HIVEP1: variants seen among roughly 807,000 people sequenced by gnomAD.
The protein encoded by HIVEP1 is zinc finger protein 40.
In HIVEP1, 36 loss-of-function variants were observed where a neutral mutation model predicts 180.0. The observed-to-expected ratio is 0.20, with a 90% CI of 0.15 to 0.26. HIVEP1 has a LOEUF of 0.26. Ranked by LOEUF, HIVEP1 falls within the 10% of genes least tolerant of loss-of-function variation. The pLI, the probability that HIVEP1 is intolerant of heterozygous loss-of-function variation, is 1.00. For missense variants in HIVEP1, 3,143 were observed against 3,268.7 expected (o/e 0.96, Z 0.94); for synonymous variants, 1,239 against 1,239.0 (o/e 1.00, Z 0.00).
intron 2 of HIVEP1, among the ~76,000 whole-genome samples, chr6:12,070,787 A>G (rs894457729): frequency 6.6e-6 from 1 of 152,104 alleles, no homozygotes; most frequent in Admixed American, 6.6e-5. Context: ...GCTCCACTCA[A>G]CCGCCTCCAT....
intron 6 of HIVEP1, among the ~76,000 whole-genome samples, chr6:12,131,619 A>G (rs972311249): frequency 5.3e-5 from 8 of 151,804 alleles, no homozygotes; most frequent in Non-Finnish European, 1.0e-4. Flanking sequence ...CTTGATACAT[A>G]TAATAGGTAT....
rs563217797 is a variant in HIVEP1, at chr6:12,161,378, A to T, written c.6488-61A>T. On this transcript the variant is annotated intron_variant, in intron 7 of 8. Transcript: ENST00000379388. ...GTTGCCAAACGTATAAAAAATTTTT[A>T]AAATAGCACTTGTGCACTTGGAAAG... The T allele has an allele frequency of 3.6e-5, 54 of 1,509,340 alleles. No homozygotes were observed. The East Asian group carries it at 6.3e-4, about 18-fold the overall frequency. The allele number at this position is 1,509,340 out of a possible 1,614,324, so 93.5% of individuals were successfully genotyped here. A position where few individuals can be genotyped will look rare whatever the true frequency, so the allele number is the denominator to read the frequency against.
the HIVEP1 span, among the ~76,000 whole-genome samples, chr6:12,186,199 T>C: frequency 1.3e-5 from 2 of 151,792 alleles, no homozygotes; most frequent in African/African-American, 4.8e-5. Flanking sequence ...AATGAAATTG[T>C]ATATTCAGCA....
At chr6:12,144,932 C>G (rs1341157150) in intron 7 of HIVEP1, among the ~76,000 whole-genome samples, 1 of 152,164 alleles carries the variant, frequency 6.6e-6, no homozygotes, top group Non-Finnish European at 1.5e-5. Context: ...GGAGTGTAAA[C>G]TAGTTCAACC....
At chr6:12,167,581 C>T (rs373402475), downstream of HIVEP1, among the ~76,000 whole-genome samples, 30 of 64,914 alleles carry the variant, frequency 4.6e-4, 13 homozygotes, top group African/African-American at 8.2e-4. Flanking sequence ...GTTATATATA[C>T]GTTATATTAC....
intron 6 of HIVEP1, among the ~76,000 whole-genome samples, chr6:12,135,079 A>T (rs190685168): frequency 6.6e-6 from 1 of 152,348 alleles, no homozygotes; most frequent in East Asian, 1.9e-4. Context: ...GAGGCCAGAT[A>T]TATGCCTACA....
At position 12,125,691 on chromosome 6, in the gene HIVEP1, A is replaced by G; in HGVS notation, c.5896A>G (p.Thr1966Ala). 2 of 1,614,202 alleles carry G rather than the reference A, an allele frequency of 1.2e-6. No homozygotes were observed. Among genetic ancestry groups the G allele is most frequent in the East Asian group, 2.2e-5 (1 of 44,882 alleles). The change falls in exon 4 of 9, where the codon ACT becomes GCT. Residue 1966 changes from threonine (T) to alanine (A), a missense_variant. Physicochemically the swap from Thr to Ala is moderately conservative, Grantham distance 58. Transcript: ENST00000379388. ...GAAGGACCAGAAAACTTCAGCCTAT[A>G]CTGATTGGACAGTAAGCGCCAGTAA... The part of the protein sequence containing the change: ...PQKDQKTSAY[T>A]DWTVSASNPN...
At position 12,130,797 on chromosome 6, in the gene HIVEP1, C is replaced by A; in HGVS notation, c.6240C>A (p.Val2080=). The change falls in exon 6 of 9, where the codon GTC becomes GTA. Residue 2080 remains valine, a synonymous_variant. Transcript: ENST00000379388. ...GYKSNEEYVY[V]RGRGRGKYIC... is the part of the protein sequence containing the mutation. ...AGTCAAATGAAGAGTATGTATATGT[C>A]CGAGGCAGGGGAAGAGGAAAATACA... The A allele has an allele frequency of 6.2e-7, 1 of 1,607,646 alleles. No homozygotes were observed. Among genetic ancestry groups the A allele is most frequent in the Non-Finnish European group, 8.5e-7 (1 of 1,174,660 alleles).
At chr6:12,051,508 T>C (rs1046597892) in intron 2 of HIVEP1, among the ~76,000 whole-genome samples, 1 of 152,124 alleles carries the variant, frequency 6.6e-6, no homozygotes, top group African/African-American at 2.4e-5. Flanking sequence ...TATCTTTCCA[T>C]TTTTGCCTTT....
At chr6:12,137,657 C>G (rs1758776034) in intron 7 of HIVEP1, among the ~76,000 whole-genome samples, 1 of 151,166 alleles carries the variant, frequency 6.6e-6, no homozygotes, top group Admixed American at 6.6e-5. Flanking sequence ...AAGTAGAACA[C>G]AGAGGTGGAG....
intron 7 of HIVEP1, among the ~76,000 whole-genome samples, chr6:12,141,690 G>GGAAAAAA (rs1759040723): frequency 3.2e-4 from 1 of 3,158 alleles, no homozygotes; most frequent in South Asian, 0.012. Flanking sequence ...CAAATGGAAA[G>GGAAAAAA]CAAAAAAAAA....
chr6:12,091,881 G>A (rs1316179216), intron 3 of HIVEP1, among the ~76,000 whole-genome samples: 3 of 152,072 alleles, frequency 2.0e-5, no homozygotes, highest in African/African-American at 7.2e-5. Flanking sequence ...TGTTGAGTGG[G>A]ATTTAAATGA....
chr6:12,195,359 G>A, the HIVEP1 span, among the ~76,000 whole-genome samples: 1 of 152,292 alleles, frequency 6.6e-6, no homozygotes, highest in Non-Finnish European at 1.5e-5. Context: ...AGAGTGGCCA[G>A]ATTAAAACAG....
At chr6:12,094,053 A>G (rs892973488) in intron 3 of HIVEP1, among the ~76,000 whole-genome samples, 3 of 151,988 alleles carry the variant, frequency 2.0e-5, no homozygotes, top group African/African-American at 7.2e-5. Flanking sequence ...TTAGTGTCTT[A>G]TCATTTTCCT....
chr6:12,108,906 G>T (rs746130068), intron 3 of HIVEP1, among the ~76,000 whole-genome samples: 5 of 152,248 alleles, frequency 3.3e-5, no homozygotes, highest in Non-Finnish European at 5.9e-5. Flanking sequence ...AGGAGGCGCC[G>T]AGAGGGAGCG....
At position 12,089,171 on chromosome 6, in the gene HIVEP1, CT is replaced by C. The variant is rs758872462; in HGVS notation, c.41-12del. 6 of 1,437,456 alleles carry C rather than the reference CT, an allele frequency of 4.2e-6. 1 individual carries two copies. The South Asian group carries it at 7.1e-5, about 17-fold the overall frequency. 89.0% of individuals were successfully genotyped at this position (1,437,456 alleles called of 1,614,324 possible). On this transcript the variant is annotated splice_polypyrimidine_tract_variant and intron_variant, in intron 2 of 8. Transcript: ENST00000379388. The stretch of plus-strand genomic sequence containing the variant: ...GGTAAATTAATTTATAAATTTTTCT[CT>C]GTTTTTCTTAGACAAAATTGAAGAA...
Position 12,120,218 on chromosome 6 carries a change from T to C in HIVEP1, c.423T>C (p.Ser141=). 1 of 1,614,216 alleles carries C rather than the reference T, an allele frequency of 6.2e-7. No individual in the cohort carries two copies. Among genetic ancestry groups the C allele is most frequent in the Non-Finnish European group, 8.5e-7 (1 of 1,180,024 alleles). ...PKKPLFLQQP[S]ELRRWRSEGA... ...AGCCCTTGTTTCTGCAGCAACCATC[T>C]GAACTGCGTAGATGGAGATCCGAAG... is the stretch of plus-strand genomic sequence containing the variant. Residue 141 remains serine, a synonymous_variant, in exon 4 of 9, where the codon TCT becomes TCC. Transcript: ENST00000379388.
intron 2 of HIVEP1, among the ~76,000 whole-genome samples, chr6:12,044,201 C>A (rs1374003667): frequency 6.6e-6 from 1 of 152,064 alleles, no homozygotes; most frequent in Non-Finnish European, 1.5e-5. Flanking sequence ...ATCTCCACCA[C>A]CCCCATAGAA....
At chr6:12,196,830 A>G in the HIVEP1 span, among the ~76,000 whole-genome samples, 1 of 152,202 alleles carries the variant, frequency 6.6e-6, no homozygotes, top group Non-Finnish European at 1.5e-5. Context: ...TATTTCATTT[A>G]ACTAAGATTT....
Sources: gnomAD v4.1 joint callset for allele counts (sites outside exome capture counted in the v4.1 genomes callset) on GRCh38, gnomAD v4.1.1 for gene constraint, MANE v1.5 for transcripts, NCBI Gene and HGNC (gene_info 2026-07-23, HGNC 2026-07-21) for gene names.